The following ACBD6 variants were observed in gnomAD, a reference collection of about 807,000 sequenced individuals.
ACBD6 encodes acyl-CoA binding domain containing 6.
In ACBD6, 28 loss-of-function variants were observed where a neutral mutation model predicts 37.2. The observed-to-expected ratio is 0.75, with a 90% confidence interval of 0.56 to 1.03. ACBD6 has a LOEUF of 1.03. ACBD6 is among the 50% of genes least tolerant of loss of function. ACBD6 has a pLI of 0.00. For missense variants in ACBD6, 340 were observed against 337.4 expected, an observed-to-expected ratio of 1.01 and a Z score of -0.06; for synonymous variants, 113 against 126.8, an observed-to-expected ratio of 0.89 and a Z score of 0.73.
chr1:180,292,268 G>A (rs915715608), intron 7 of ACBD6, among the ~76,000 whole-genome samples: 5 of 152,140 alleles, frequency 3.3e-5, no homozygotes, highest in Non-Finnish European at 5.9e-5. Flanking sequence ...GGAAAGAATG[G>A]ACAGCTGAAC....
At chr1:180,338,068 A>T (rs865919071) in intron 6 of ACBD6, among the ~76,000 whole-genome samples, 1 of 152,190 alleles carries the variant, frequency 6.6e-6, no homozygotes, top group South Asian at 2.1e-4. Context: ...ATGCTCATGG[A>T]TAGGAAGAAT....
chr1:180,415,624 T>C (rs1312571282), intron 4 of ACBD6, among the ~76,000 whole-genome samples: 4 of 152,176 alleles, frequency 2.6e-5, no homozygotes, highest in East Asian at 1.9e-4. Flanking sequence ...TGGAAAATAA[T>C]GGGAAGTTGG....
At chr1:180,304,142 C>T (rs1650250078) in intron 7 of ACBD6, among the ~76,000 whole-genome samples, 2 of 150,926 alleles carry the variant, frequency 1.3e-5, no homozygotes, top group South Asian at 4.2e-4. Flanking sequence ...AAACTCACAG[C>T]CAATATCATA....
intron 3 of ACBD6, among the ~76,000 whole-genome samples, chr1:180,433,574 CTGTGTGTGTGTGTG>C (rs61101474): frequency 0.73 from 108,978 of 149,762 alleles, 41,500 homozygotes; most frequent in East Asian, 0.85. Flanking sequence ...TGGTGTTATG[CTGTGTGTGTGTGTG>C]TGTGTGTGTG....
intron 7 of ACBD6, among the ~76,000 whole-genome samples, chr1:180,307,533 A>G (rs933733673): frequency 6.6e-6 from 1 of 152,248 alleles, no homozygotes; most frequent in African/African-American, 2.4e-5. Context: ...TGTAACACAA[A>G]GGATAAATGC....
At chr1:180,501,912 A>C in intron 1 of ACBD6, 133 bp downstream of exon 1, 1 of 884,228 alleles carries the variant, frequency 1.1e-6, no homozygotes, top group Non-Finnish European at 1.8e-6. Context: ...GGTCAAAAAA[A>C]AAAAAACAAA....
intron 3 of ACBD6, chr1:180,435,018 A>G: frequency 1.0e-6 from 1 of 968,466 alleles, no homozygotes; most frequent in Non-Finnish European, 1.7e-6. Context: ...GAAATGGAAC[A>G]CCGACAATAC....
rs752653705 is a variant in ACBD6, at chr1:180,495,540, G to GA, written c.223-16dup. ...CCAACTTTGACCTAAATGAGGGAAG[G>GA]AAAATCAAGAACTTATTTTTCAAAG... On this transcript the variant is annotated splice_polypyrimidine_tract_variant and intron_variant, in intron 1 of 7. Transcript: ENST00000367595. 1.9e-6 allele frequency: 3 copies of GA among 1,577,808 alleles called. No individual in the cohort carries two copies. The East Asian group carries it at 6.7e-5, about 35-fold the overall frequency.
At chr1:180,437,400 A>G (rs778690698) in intron 3 of ACBD6, among the ~76,000 whole-genome samples, 1 of 152,184 alleles carries the variant, frequency 6.6e-6, no homozygotes, top group Non-Finnish European at 1.5e-5. Flanking sequence ...ACTGATTAGG[A>G]GGATACCCAG....
intron 4 of ACBD6, among the ~76,000 whole-genome samples, chr1:180,425,319 G>A (rs1296774884): frequency 6.6e-6 from 1 of 152,130 alleles, no homozygotes; most frequent in African/African-American, 2.4e-5. Context: ...GATTCTCCAG[G>A]GGGAGTTGCC....
At chr1:180,355,018 T>G (rs1222049819) in intron 6 of ACBD6, among the ~76,000 whole-genome samples, 1 of 152,240 alleles carries the variant, frequency 6.6e-6, no homozygotes, top group East Asian at 1.9e-4. Context: ...TTCTGCATGC[T>G]GTATACTGTC....
At chr1:180,271,522 G>A in exon 14 of ACBD6, 1 of 1,614,168 alleles carries the variant, frequency 6.2e-7, no homozygotes, top group Non-Finnish European at 8.5e-7. Context: ...GCCTGGACAT[G>A]AGGGTCGTAC....
intron 6 of ACBD6, among the ~76,000 whole-genome samples, chr1:180,322,319 T>C (rs1175280978): frequency 6.6e-6 from 1 of 152,086 alleles, no homozygotes; most frequent in African/African-American, 2.4e-5. Flanking sequence ...GGCCTGTAGT[T>C]TTCTTTTTTT....
chr1:180,441,222 G>A (rs952455930), intron 3 of ACBD6, among the ~76,000 whole-genome samples: 12 of 151,918 alleles, frequency 7.9e-5, no homozygotes, highest in African/African-American at 2.2e-4. Flanking sequence ...TTTTTATTGC[G>A]GACACCCTAC....
intron 3 of ACBD6, among the ~76,000 whole-genome samples, chr1:180,451,602 T>C (rs1423545526): frequency 6.6e-6 from 1 of 152,080 alleles, no homozygotes; most frequent in African/African-American, 2.4e-5. Flanking sequence ...CCTGAAAACA[T>C]ACTAATAAAA....
chr1:180,444,523 T>C (rs1320868711), intron 3 of ACBD6, among the ~76,000 whole-genome samples: 3 of 152,216 alleles, frequency 2.0e-5, no homozygotes, highest in Non-Finnish European at 4.4e-5. Flanking sequence ...CATTATCAGA[T>C]TGAATCCAGA....
At chr1:180,386,290 A>G (rs561504633) in intron 6 of ACBD6, among the ~76,000 whole-genome samples, 100 of 152,374 alleles carry the variant, frequency 6.6e-4, no homozygotes, top group African/African-American at 2.3e-3. Flanking sequence ...TAAGCCCATC[A>G]TAAGTTGAGG....
chr1:180,473,688 C>A lies in ACBD6; in HGVS notation c.384+18581G>T, dbSNP rs74535538. ...TACAAGTCAGTAATATATGTATATA[C>A]AATTTTGCTGTTTTTCAGCTTTTTA... On this transcript the variant is annotated intron_variant, in intron 3 of 7. Coordinates refer to ENST00000367595, the MANE Select transcript of ACBD6 (RefSeq NM_032360.4). 5.1e-3 allele frequency among the ~76,000 whole-genome samples: 775 copies of A among 152,116 alleles called. 5 individuals carry two copies. Among genetic ancestry groups the A allele is most frequent in the African/African-American group, 0.018 (734 of 41,500 alleles).
intron 1 of ACBD6, 30 bp downstream of exon 1, chr1:180,502,015 C>T (rs1276378897): frequency 1.9e-6 from 3 of 1,606,902 alleles, no homozygotes; most frequent in South Asian, 1.1e-5. Flanking sequence ...GTGTCTTTCT[C>T]CCCCATCCAC....
Sources: allele counts gnomAD v4.1 joint callset (sites outside exome capture counted in the v4.1 genomes callset), GRCh38; gene constraint gnomAD v4.1.1; transcripts MANE v1.5; gene names NCBI Gene and HGNC (gene_info 2026-07-23, HGNC 2026-07-21).